PDE4D: variants seen among roughly 807,000 people sequenced by gnomAD.
PDE4D encodes the protein 3',5'-cyclic-AMP phosphodiesterase 4D.
Under a neutral mutation model 87.4 loss-of-function variants are expected in PDE4D, and 24 were observed. That is an observed-to-expected ratio of 0.27 (90% confidence interval 0.20 to 0.39). PDE4D has a LOEUF of 0.39. PDE4D is among the 10% of genes least tolerant of loss of function. PDE4D has a pLI of 1.00. For missense variants in PDE4D, 714 were observed against 1,041.0 expected, an observed-to-expected ratio of 0.69 and a Z score of 4.32; for synonymous variants, 384 against 383.2, an observed-to-expected ratio of 1.00 and a Z score of -0.02.
chr5:59,718,622 C>A (rs937935177), intron 1 of PDE4D, among the ~76,000 whole-genome samples: 3 of 152,100 alleles, frequency 2.0e-5, no homozygotes, highest in Admixed American at 6.6e-5. Context: ...GACTCCTTTG[C>A]AGAGCTATAA....
chr5:60,197,101 A>T (rs1345563760), intron 1 of PDE4D, among the ~76,000 whole-genome samples: 6 of 149,246 alleles, frequency 4.0e-5, no homozygotes, highest in African/African-American at 1.5e-4. Context: ...AGATAGATAG[A>T]TAGATAGATA....
intron 1 of PDE4D, among the ~76,000 whole-genome samples, chr5:59,657,819 C>T (rs1744619079): frequency 6.6e-6 from 1 of 152,152 alleles, no homozygotes; most frequent in Non-Finnish European, 1.5e-5. Flanking sequence ...ATACATTCCG[C>T]ATGTTATAAT....
intron 5 of PDE4D, among the ~76,000 whole-genome samples, chr5:59,066,252 A>C (rs185948445): frequency 6.6e-6 from 1 of 152,264 alleles, no homozygotes; most frequent in Non-Finnish European, 1.5e-5. Context: ...TAAGGGCTCC[A>C]AAAGCACATG....
At chr5:59,916,995 G>T (rs1260002342) in intron 3 of PDE4D, among the ~76,000 whole-genome samples, 1 of 138,686 alleles carries the variant, frequency 7.2e-6, no homozygotes. Flanking sequence ...GTAGAGAGGG[G>T]GTTTCATCAT....
At chr5:60,150,702 C>A (rs1303388341) in intron 2 of PDE4D, among the ~76,000 whole-genome samples, 2 of 152,090 alleles carry the variant, frequency 1.3e-5, no homozygotes, top group Non-Finnish European at 2.9e-5. Flanking sequence ...ATAGATATGA[C>A]AAGGTCCCTA....
chr5:59,566,533 CATGTGTGTGTGTGTGTGTGT>C (rs1362317495), intron 1 of PDE4D, among the ~76,000 whole-genome samples: 2 of 102,742 alleles, frequency 1.9e-5, no homozygotes, highest in African/African-American at 3.6e-5. Context: ...GTCACAGTTT[CATGTGTGTGTGTGTGTGTGT>C]GTGTGTGTGT....
At chr5:59,232,192 C>G (rs1403066286) in intron 1 of PDE4D, among the ~76,000 whole-genome samples, 1 of 152,096 alleles carries the variant, frequency 6.6e-6, no homozygotes, top group Non-Finnish European at 1.5e-5. Flanking sequence ...AACCAAAAAT[C>G]TCTACATAGC....
At position 60,158,358 on chromosome 5, in the gene PDE4D, A is replaced by G. The variant is rs568261118; in HGVS notation, c.42+27199T>C. ...ATGGTAAGTATTTGTGTATCTAAAC[A>G]TATAAAAAATAGGAAAGATACAGTA... On this transcript the variant is annotated intron_variant, in intron 2 of 16. Transcript: ENST00000502484. 2.6e-5 allele frequency among the ~76,000 whole-genome samples: 4 copies of G among 152,288 alleles called. No individual in the cohort carries two copies. In the South Asian group the frequency reaches 8.3e-4, roughly 32 times the overall value.
chr5:60,291,205 C>T (rs1326646234), intron 1 of PDE4D, among the ~76,000 whole-genome samples: 1 of 152,192 alleles, frequency 6.6e-6, no homozygotes, highest in Non-Finnish European at 1.5e-5. Flanking sequence ...CAATCTTGGA[C>T]ATTTTCAGGA....
intron 1 of PDE4D, among the ~76,000 whole-genome samples, chr5:60,274,339 CGTT>C (rs34740331): frequency 0.77 from 115,162 of 150,158 alleles, 44,315 homozygotes; most frequent in Admixed American, 0.83. Flanking sequence ...TGGTTCTTGT[CGTT>C]GTTGTTGTTG....
chr5:59,547,395 A>C (rs1296477318), intron 1 of PDE4D, among the ~76,000 whole-genome samples: 1 of 152,140 alleles, frequency 6.6e-6, no homozygotes, highest in East Asian at 1.9e-4. Context: ...CTCTTTTGAA[A>C]AATTATAAAA....
chr5:60,144,236 T>C (rs896363018), intron 2 of PDE4D, among the ~76,000 whole-genome samples: 7 of 152,202 alleles, frequency 4.6e-5, no homozygotes, highest in Admixed American at 4.6e-4. Flanking sequence ...TTTGCAGGAA[T>C]GCTGAATGAT....
At position 60,325,275 on chromosome 5, in the gene PDE4D, GGGAA is replaced by G. The variant is rs1442475366; in HGVS notation, c.-89-139592_-89-139589del. Among the ~76,000 whole-genome samples, 3 of 152,104 alleles carry G rather than the reference GGGAA, an allele frequency of 2.0e-5. No individual in the cohort carries two copies. In the East Asian group the frequency reaches 5.8e-4, roughly 29 times the overall value. On this transcript the variant is annotated intron_variant, in intron 1 of 16. Transcript: ENST00000502484. The stretch of plus-strand genomic sequence containing the variant: ...GGGACAGAAGAAAAGCAATTATAGG[GGGAA>G]AATAACCTCAACCAACCTCCCACTT...
chr5:60,413,237 A>G (rs1369335801), intron 1 of PDE4D, among the ~76,000 whole-genome samples: 2 of 152,216 alleles, frequency 1.3e-5, no homozygotes, highest in African/African-American at 2.4e-5. Context: ...AAAAACCCTC[A>G]GGATTTTTAG....
chr5:60,375,489 C>G (rs1761360857), intron 1 of PDE4D, among the ~76,000 whole-genome samples: 1 of 152,152 alleles, frequency 6.6e-6, no homozygotes, highest in African/African-American at 2.4e-5. Flanking sequence ...TTTTCACATA[C>G]AACAGTTAGT....
rs189345309 is a variant in PDE4D at position 60,470,151 on chromosome 5, C to A, written c.-90+17791G>T. 3.3e-5 allele frequency among the ~76,000 whole-genome samples: 5 copies of A among 152,190 alleles called. No homozygotes were observed. The East Asian group carries it at 9.7e-4, about 29-fold the overall frequency. Reference sequence around the variant, plus strand: ...ATTGCTCATATAGGGAAAGTTTGGGCGGTCTGAATAGAAGATCAAACCAGT... The same window carrying A: ...ATTGCTCATATAGGGAAAGTTTGGGAGGTCTGAATAGAAGATCAAACCAGT... On this transcript the variant is annotated intron_variant, in intron 1 of 16. Transcript: ENST00000502484.
chr5:59,637,533 GTGGCACA>G (rs984107759), intron 1 of PDE4D, among the ~76,000 whole-genome samples: 1 of 151,876 alleles, frequency 6.6e-6, no homozygotes, highest in Non-Finnish European at 1.5e-5. Context: ...TGAAGAAAAT[GTGGCACA>G]TATACACCAT....
intron 1 of PDE4D, among the ~76,000 whole-genome samples, chr5:59,635,256 A>T (rs1832085460): frequency 6.6e-6 from 1 of 152,204 alleles, no homozygotes. Flanking sequence ...ATAACTTACC[A>T]ACCAAAAAAA....
chr5:59,224,303 C>T (rs1462959760), intron 1 of PDE4D, among the ~76,000 whole-genome samples: 1 of 150,158 alleles, frequency 6.7e-6, no homozygotes, highest in Non-Finnish European at 1.5e-5. Flanking sequence ...TACACACACA[C>T]ACACACACAC....
Sources: gnomAD v4.1 joint callset for allele counts (sites outside exome capture counted in the v4.1 genomes callset) on GRCh38, gnomAD v4.1.1 for gene constraint, MANE v1.5 for transcripts, NCBI Gene and HGNC (gene_info 2026-07-23, HGNC 2026-07-21) for gene names.